Variants in EPHB2 observed in about 807,000 individuals in gnomAD.
EPHB2 encodes EPH receptor B2, also known as ephrin type-B receptor 2.
Under a neutral mutation model 96.4 loss-of-function variants are expected in EPHB2, and 18 were observed. The observed-to-expected ratio is 0.19, with a 90% CI of 0.13 to 0.28. The LOEUF (loss-of-function observed/expected upper bound fraction) is 0.28. Among genes scored for constraint, EPHB2 ranks in the 10% least tolerant of loss-of-function variants. The probability of loss-of-function intolerance (pLI) is 1.00; values close to 1 mark genes in which losing one functional copy is unlikely to be tolerated. For missense variants in EPHB2, 989 were observed against 1,355.4 expected (o/e 0.73, Z 4.25); for synonymous variants, 506 against 534.1 (o/e 0.95, Z 0.72).
At chr1:22,827,221 G>C (rs531470592) in intron 3 of EPHB2, among the ~76,000 whole-genome samples, 65 of 152,314 alleles carry the variant, frequency 4.3e-4, no homozygotes, top group African/African-American at 1.6e-3. Flanking sequence ...GGCTTCCCCA[G>C]ATGAATGTGT....
chr1:22,733,722 C>CT lies in EPHB2; in HGVS notation c.61+22680dup, dbSNP rs1239825696. ...AAATGGGATTTGAACCCGCGATTCTCTAAGTCCAAAGCCCATGCTCATGAC... is the reference window on the plus strand; with the variant it reads ...AAATGGGATTTGAACCCGCGATTCTCTTAAGTCCAAAGCCCATGCTCATGAC... On this transcript the variant is annotated intron_variant, in intron 1 of 15. Transcript: ENST00000374630. The surrounding 1 kb of genome is among the most constrained non-coding windows in gnomAD (Gnocchi z 4.6). Among the ~76,000 whole-genome samples, 2 of 152,204 alleles carry CT rather than the reference C, an allele frequency of 1.3e-5. No homozygotes were observed. The highest frequency in any genetic ancestry group is 2.9e-5 in the Non-Finnish European group (2 of 68,044).
chr1:22,835,981 T>C (rs1454391382), intron 3 of EPHB2: 1 of 152,110 alleles, frequency 6.6e-6, no homozygotes. Context: ...GCCTTTTTTT[T>C]TTTTCCTTGA....
At chr1:22,895,772 C>T (rs991862878) in intron 8 of EPHB2, among the ~76,000 whole-genome samples, 192 bp downstream of exon 8, 2 of 152,262 alleles carry the variant, frequency 1.3e-5, no homozygotes, top group African/African-American at 2.4e-5. Context: ...CAATCCATCC[C>T]TTTGGGATAG....
chr1:22,799,653 G>A (rs1384420768), intron 3 of EPHB2, among the ~76,000 whole-genome samples: 1 of 152,204 alleles, frequency 6.6e-6, no homozygotes, highest in African/African-American at 2.4e-5. Flanking sequence ...GGGAACTGGG[G>A]TTCAGAGAAG....
chr1:22,872,086 T>C (rs560475447), intron 5 of EPHB2, among the ~76,000 whole-genome samples: 1 of 152,248 alleles, frequency 6.6e-6, no homozygotes, highest in East Asian at 1.9e-4. Context: ...GTGTCCTTTC[T>C]GATGGTGCTA....
intron 4 of EPHB2, 160 bp downstream of exon 4, chr1:22,863,352 C>A: frequency 2.6e-6 from 3 of 1,159,124 alleles, no homozygotes; most frequent in Non-Finnish European, 2.5e-6. Context: ...CCTGGGGTGG[C>A]CATGCTCCCA....
At chr1:22,779,900 A>G (rs529136806) in intron 1 of EPHB2, among the ~76,000 whole-genome samples, 1 of 152,332 alleles carries the variant, frequency 6.6e-6, no homozygotes, top group South Asian at 2.1e-4. Flanking sequence ...CATGGCAACA[A>G]GCATACCTCT....
At position 22,898,574 on chromosome 1, in the gene EPHB2, G is replaced by A. The variant is rs117660027; in HGVS notation, c.1765+2096G>A. Among the ~76,000 whole-genome samples, 133 of 152,302 alleles carry A rather than the reference G, an allele frequency of 8.7e-4. 1 individual carries two copies. In the East Asian group the frequency reaches 0.024, roughly 27 times the overall value. ...CCTTGGCTTTTCCCTGAGTGAAATGGGGAGCTGCTGGAAGGTTCTGAGCAG... is the reference window on the plus strand; with the variant it reads ...CCTTGGCTTTTCCCTGAGTGAAATGAGGAGCTGCTGGAAGGTTCTGAGCAG... On this transcript the variant is annotated intron_variant, in intron 9 of 15. Transcript: ENST00000374630.
intron 3 of EPHB2, among the ~76,000 whole-genome samples, chr1:22,859,611 A>G (rs1645761548): frequency 6.6e-6 from 1 of 152,048 alleles, no homozygotes. Context: ...CCTGGCCAAC[A>G]TGGTGAAACC....
chr1:22,824,921 G>A (rs1645202554), intron 3 of EPHB2, among the ~76,000 whole-genome samples: 1 of 152,248 alleles, frequency 6.6e-6, no homozygotes, highest in Non-Finnish European at 1.5e-5. Flanking sequence ...CCAGCGATGG[G>A]CAGAGCTGGT....
Position 22,917,493 on chromosome 1 carries a change from C to T in EPHB2, c.*3923C>T, listed in dbSNP as rs1054379628. The stretch of plus-strand genomic sequence containing the variant: ...GATGCTAGGGAAAGTGCGTCATGAC[C>T]GCAGGGTAGCAGCCTGCTCCTGTCA... On this transcript the variant is annotated 3_prime_UTR_variant, in exon 16 of 16. Coordinates refer to ENST00000374630, the MANE Select transcript of EPHB2 (RefSeq NM_017449.5). 5 of 152,204 alleles carry T rather than the reference C, an allele frequency of 3.3e-5. No homozygotes were observed. The highest frequency in any genetic ancestry group is 9.7e-5 in the African/African-American group (4 of 41,442). The allele number at this position is 152,204 out of a possible 1,614,324, so 9.4% of individuals were successfully genotyped here. A position where few individuals can be genotyped will look rare whatever the true frequency, so the allele number is the denominator to read the frequency against.
chr1:22,779,099 C>T (rs560282573), intron 1 of EPHB2, among the ~76,000 whole-genome samples: 2 of 152,212 alleles, frequency 1.3e-5, no homozygotes, highest in South Asian at 2.1e-4. Flanking sequence ...GCAGAGAGCC[C>T]GGCTTGGCGC....
At position 22,810,305 on chromosome 1, in the gene EPHB2, C is replaced by G. The variant is rs543614140; in HGVS notation, c.811+25229C>G. 2.6e-5 allele frequency among the ~76,000 whole-genome samples: 4 copies of G among 152,232 alleles called. No individual in the cohort carries two copies. The South Asian group carries it at 8.3e-4, about 32-fold the overall frequency. Reference sequence around the variant, plus strand: ...AGGGGCCCTGGGCTCGGCCAGGGGTCCCCCAGCCCTCCACTGTTCTCCTGT... The same window carrying G: ...AGGGGCCCTGGGCTCGGCCAGGGGTGCCCCAGCCCTCCACTGTTCTCCTGT... On this transcript the variant is annotated intron_variant, in intron 3 of 15. Transcript: ENST00000374630.
Position 22,864,648 on chromosome 1 carries a change from T to C in EPHB2, c.968-229T>C, listed in dbSNP as rs578173297. Among the ~76,000 whole-genome samples the C allele has an allele frequency of 1.1e-4, 17 of 152,252 alleles. No homozygotes were observed. In the East Asian group the frequency reaches 3.3e-3, roughly 29 times the overall value. On this transcript the variant is annotated intron_variant, in intron 4 of 15. Coordinates refer to ENST00000374630, the MANE Select transcript of EPHB2 (RefSeq NM_017449.5). ...AATTCCAAACGCAAAAATACTATCC[T>C]CAGTAACAAACACTGAGCAGTTTGT...
chr1:22,747,932 A>T (rs1262831893), intron 1 of EPHB2, among the ~76,000 whole-genome samples: 1 of 152,170 alleles, frequency 6.6e-6, no homozygotes, highest in Non-Finnish European at 1.5e-5. Context: ...TGAAGATAAT[A>T]ACACACTGTG....
At chr1:22,747,938 C>T (rs1036962685) in intron 1 of EPHB2, among the ~76,000 whole-genome samples, 4 of 152,234 alleles carry the variant, frequency 2.6e-5, no homozygotes, top group Non-Finnish European at 4.4e-5. Context: ...TAATAACACA[C>T]TGTGGTGGAG....
intron 4 of EPHB2, among the ~76,000 whole-genome samples, chr1:22,864,320 A>AGC (rs1287133145): frequency 0.013 from 1,926 of 152,296 alleles, 37 homozygotes; most frequent in African/African-American, 0.042. Context: ...TGCTGGGATT[A>AGC]CAGGTGTTAG....
intron 1 of EPHB2, among the ~76,000 whole-genome samples, chr1:22,756,425 C>T (rs894076929): frequency 3.3e-5 from 5 of 152,034 alleles, no homozygotes; most frequent in Admixed American, 3.3e-4. Context: ...GGTCCTGGGC[C>T]CTGACCCGGC....
intron 1 of EPHB2, among the ~76,000 whole-genome samples, 178 bp from the exon 2 acceptor site, chr1:22,781,243 G>A (rs1644526512): frequency 6.6e-6 from 1 of 150,900 alleles, no homozygotes; most frequent in Admixed American, 6.6e-5. Context: ...TGGCCTGAAC[G>A]TGGGAGGCGG....
Sources: allele counts gnomAD v4.1 joint callset (sites outside exome capture counted in the v4.1 genomes callset), GRCh38; gene constraint gnomAD v4.1.1; non-coding constraint Gnocchi (gnomAD v3.1); transcripts MANE v1.5; gene names NCBI Gene and HGNC (gene_info 2026-07-23, HGNC 2026-07-21).